PMFBP1: variants seen among roughly 807,000 people sequenced by gnomAD.
PMFBP1 encodes polyamine-modulated factor 1-binding protein 1.
In PMFBP1, 131 loss-of-function variants were observed where a neutral mutation model predicts 137.8. The ratio of observed to expected loss-of-function variants is 0.95; its 90% CI spans 0.82 to 1.10. The LOEUF (loss-of-function observed/expected upper bound fraction) is 1.10, where lower values mean the gene tolerates loss of function less well. Among genes scored for constraint, PMFBP1 ranks in the 50% least tolerant of loss-of-function variants. The pLI, the probability that PMFBP1 is intolerant of heterozygous loss-of-function variation, is 0.00. For missense variants in PMFBP1, 1,199 were observed against 1,175.4 expected, an observed-to-expected ratio of 1.02 and a Z score of -0.29; for synonymous variants, 490 against 450.4, an observed-to-expected ratio of 1.09 and a Z score of -1.11.
chr16:72,127,445 A>G (rs1426957619), intron 14 of PMFBP1, among the ~76,000 whole-genome samples: 5 of 152,246 alleles, frequency 3.3e-5, no homozygotes, highest in Admixed American at 1.3e-4. Flanking sequence ...TGGAGAAACT[A>G]TAATTCACTG....
the PMFBP1 span, among the ~76,000 whole-genome samples, chr16:72,222,760 T>C: frequency 1.3e-5 from 2 of 152,172 alleles, no homozygotes; most frequent in Non-Finnish European, 2.9e-5. Context: ...TTTGTTTTTG[T>C]TTTTTTCTTT....
intron 4 of PMFBP1, among the ~76,000 whole-genome samples, chr16:72,152,714 G>T (rs2042919541): frequency 6.6e-6 from 1 of 152,182 alleles, no homozygotes; most frequent in East Asian, 1.9e-4. Flanking sequence ...GTGTGGTGGT[G>T]CGTGCCTGTA....
At chr16:72,166,527 G>C (rs1406495372) in intron 2 of PMFBP1, among the ~76,000 whole-genome samples, 2 of 152,168 alleles carry the variant, frequency 1.3e-5, no homozygotes, top group Non-Finnish European at 2.9e-5. Context: ...ATTACCAAGA[G>C]GGTTCTTAAG....
At chr16:72,185,687 G>A in the PMFBP1 span, among the ~76,000 whole-genome samples, 1 of 152,156 alleles carries the variant, frequency 6.6e-6, no homozygotes, top group Non-Finnish European at 1.5e-5. Flanking sequence ...TCAAGGGATT[G>A]TAAATTTTTG....
chr16:72,202,095 T>G, the PMFBP1 span, among the ~76,000 whole-genome samples: 1 of 152,230 alleles, frequency 6.6e-6, no homozygotes, highest in Non-Finnish European at 1.5e-5. Flanking sequence ...TTGTATATCT[T>G]GTACACAAAA....
chr16:72,197,152 G>C, the PMFBP1 span, among the ~76,000 whole-genome samples: 5 of 152,298 alleles, frequency 3.3e-5, no homozygotes, highest in East Asian at 9.6e-4. Context: ...TGCAAAAGAA[G>C]ATCATGGAGA....
intron 20 of PMFBP1, 117 bp downstream of exon 20, chr16:72,119,734 G>T: frequency 6.6e-7 from 1 of 1,521,388 alleles, no homozygotes; most frequent in Non-Finnish European, 8.8e-7. Context: ...GTCCAAAGTC[G>T]CTAAGAAAAT....
At chr16:72,199,535 T>C in the PMFBP1 span, among the ~76,000 whole-genome samples, 2 of 151,156 alleles carry the variant, frequency 1.3e-5, no homozygotes, top group Non-Finnish European at 2.9e-5. Flanking sequence ...ACTCCTGGAG[T>C]CCCAGCTACT....
chr16:72,209,474 G>T, the PMFBP1 span, among the ~76,000 whole-genome samples: 2 of 150,376 alleles, frequency 1.3e-5, no homozygotes, highest in African/African-American at 5.0e-5. Flanking sequence ...CTGTATATAT[G>T]ATATTATCTG....
chr16:72,196,905 C>A, the PMFBP1 span, among the ~76,000 whole-genome samples: 1 of 152,234 alleles, frequency 6.6e-6, no homozygotes, highest in Non-Finnish European at 1.5e-5. Flanking sequence ...ATAGGCTCTA[C>A]AATCCAAGTG....
intron 15 of PMFBP1, among the ~76,000 whole-genome samples, chr16:72,125,716 C>T (rs564032866): frequency 6.6e-6 from 1 of 152,278 alleles, no homozygotes; most frequent in African/African-American, 2.4e-5. Context: ...ACCTTGCCCC[C>T]GAGTCACCCA....
At chr16:72,192,689 G>A in the PMFBP1 span, among the ~76,000 whole-genome samples, 3 of 151,962 alleles carry the variant, frequency 2.0e-5, no homozygotes, top group African/African-American at 7.3e-5. Flanking sequence ...ACCATCCCAC[G>A]TCAGGAGATC....
chr16:72,238,871 G>A, the PMFBP1 span, among the ~76,000 whole-genome samples: 4 of 152,080 alleles, frequency 2.6e-5, no homozygotes, highest in South Asian at 2.1e-4. Flanking sequence ...TGGGGTGGGC[G>A]TTACTGACAT....
intron 14 of PMFBP1, among the ~76,000 whole-genome samples, chr16:72,126,543 A>T (rs1024980381): frequency 3.3e-5 from 5 of 152,210 alleles, no homozygotes; most frequent in African/African-American, 4.8e-5. Flanking sequence ...ACTAGACTTG[A>T]TGTGCCAGAA....
At chr16:72,213,207 TG>T in the PMFBP1 span, among the ~76,000 whole-genome samples, 1 of 121,230 alleles carries the variant, frequency 8.2e-6, no homozygotes, top group Non-Finnish European at 1.8e-5. Flanking sequence ...CGGGGGGGGG[TG>T]GGGAAAGGGT....
At chr16:72,173,380 C>G (rs1405360284), upstream of PMFBP1, among the ~76,000 whole-genome samples, 1 of 152,192 alleles carries the variant, frequency 6.6e-6, no homozygotes, top group Non-Finnish European at 1.5e-5. Context: ...CAAATGAAAT[C>G]TTGTCCAAAA....
chr16:72,164,865 G>A lies in PMFBP1; in HGVS notation c.64C>T (p.Leu22=). 1.2e-6 allele frequency: 2 copies of A among 1,609,646 alleles called. No individual in the cohort carries two copies. The highest frequency in any genetic ancestry group is 1.7e-6 in the Non-Finnish European group (2 of 1,176,322). Residue 22 remains leucine, a synonymous_variant, in exon 3 of 21, where the codon CTG becomes TTG. Coordinates refer to ENST00000237353, the MANE Select transcript of PMFBP1 (RefSeq NM_031293.3). The part of the protein sequence containing the change: ...VSSLNSKLLS[L]QLDIKNLHDV... Reference sequence around the variant, plus strand: ...TGCAGATTCTTGATGTCAAGTTGCAGGCTTAACAGCTTGCTGTTCAGGCTG... The same window carrying A: ...TGCAGATTCTTGATGTCAAGTTGCAAGCTTAACAGCTTGCTGTTCAGGCTG...
chr16:72,186,085 T>C, the PMFBP1 span, among the ~76,000 whole-genome samples: 66,244 of 151,992 alleles, frequency 0.44, 14,956 homozygotes, highest in South Asian at 0.62. Context: ...CCTCTGGGAC[T>C]ATATGTTCCA....
At chr16:72,191,564 C>T in the PMFBP1 span, among the ~76,000 whole-genome samples, 1 of 152,196 alleles carries the variant, frequency 6.6e-6, no homozygotes, top group Admixed American at 6.5e-5. Flanking sequence ...AGGCTATTTT[C>T]TCTGAACAGT....
Sources: gnomAD v4.1 joint callset for allele counts (sites outside exome capture counted in the v4.1 genomes callset) on GRCh38, gnomAD v4.1.1 for gene constraint, MANE v1.5 for transcripts, NCBI Gene and HGNC (gene_info 2026-07-23, HGNC 2026-07-21) for gene names.